Variants in MEIS2 observed in about 807,000 individuals in gnomAD.
MEIS2 encodes the protein homeobox protein Meis2.
Under a neutral mutation model 58.6 loss-of-function variants are expected in MEIS2, and 9 were observed. The observed-to-expected ratio is 0.15, with a 90% CI of 0.09 to 0.27. MEIS2 has a LOEUF of 0.27. MEIS2 is among the 10% of genes least tolerant of loss of function. MEIS2 has a pLI of 1.00. For missense variants in MEIS2, 427 were observed against 635.0 expected, an observed-to-expected ratio of 0.67 and a Z score of 3.52; for synonymous variants, 221 against 228.4, an observed-to-expected ratio of 0.97 and a Z score of 0.29.
intron 8 of MEIS2, among the ~76,000 whole-genome samples, chr15:36,988,144 T>A (rs745698993): frequency 3.3e-5 from 5 of 152,082 alleles, no homozygotes; most frequent in Admixed American, 1.3e-4. Flanking sequence ...AAAGCAAAAA[T>A]AAGAAAAGAA....
chr15:37,070,758 T>C (rs1890591687), intron 7 of MEIS2, among the ~76,000 whole-genome samples: 1 of 152,152 alleles, frequency 6.6e-6, no homozygotes, highest in Admixed American at 6.6e-5. Context: ...TTTATAAAAA[T>C]GTGCCCTTGT....
At chr15:36,932,990 C>T (rs561794879) in intron 9 of MEIS2, among the ~76,000 whole-genome samples, 2 of 152,272 alleles carry the variant, frequency 1.3e-5, no homozygotes. Flanking sequence ...TGAAATCTCT[C>T]CAGGGTAGCC....
At chr15:36,896,913 G>T in intron 9 of MEIS2, 1 of 444,314 alleles carries the variant, frequency 2.3e-6, no homozygotes, top group Non-Finnish European at 4.0e-6. Flanking sequence ...GCTCAGGGAC[G>T]GAATAAAGTT....
At chr15:37,022,400 C>A (rs1332274671) in intron 8 of MEIS2, among the ~76,000 whole-genome samples, 1 of 152,138 alleles carries the variant, frequency 6.6e-6, no homozygotes, top group Non-Finnish European at 1.5e-5. Flanking sequence ...GCACACCCAG[C>A]TAATTTATTT....
intron 7 of MEIS2, among the ~76,000 whole-genome samples, chr15:37,040,878 T>A (rs1323436887): frequency 1.3e-5 from 2 of 152,192 alleles, no homozygotes; most frequent in Non-Finnish European, 2.9e-5. Context: ...GAAAAAGGAA[T>A]TTGTAATTTC....
chr15:36,914,527 G>T (rs2057183805), intron 9 of MEIS2, among the ~76,000 whole-genome samples: 1 of 152,220 alleles, frequency 6.6e-6, no homozygotes, highest in Admixed American at 6.5e-5. Context: ...TTTGAAAAGT[G>T]CTCCCTCTGG....
Position 36,961,645 on chromosome 15 carries a change from A to T in MEIS2, c.901-11245T>A, listed in dbSNP as rs145968572. ...TTTTTTTTCCTAATTTGGACAAAAA[A>T]ATCAGAAAATATTCAGAAAAGGCTT... On this transcript the variant is annotated intron_variant, in intron 8 of 11. Transcript: ENST00000561208. Among the ~76,000 whole-genome samples, 543 of 152,262 alleles carry T rather than the reference A, an allele frequency of 3.6e-3. 2 individuals carry two copies. Among genetic ancestry groups the T allele is most frequent in the African/African-American group, 0.012 (510 of 41,568 alleles).
At chr15:36,951,784 T>A (rs1200241067) in intron 8 of MEIS2, among the ~76,000 whole-genome samples, 1 of 152,208 alleles carries the variant, frequency 6.6e-6, no homozygotes, top group Non-Finnish European at 1.5e-5. Context: ...TGACACTTTT[T>A]TGGCTAGGGC....
At chr15:36,919,325 C>A in intron 9 of MEIS2, among the ~76,000 whole-genome samples, 1 of 151,998 alleles carries the variant, frequency 6.6e-6, no homozygotes, top group East Asian at 1.9e-4. Flanking sequence ...ACACCTGTAA[C>A]CCCAGCACTT....
intron 4 of MEIS2, 62 bp downstream of exon 4, chr15:37,095,502 G>A: frequency 1.9e-6 from 3 of 1,609,448 alleles, no homozygotes; most frequent in Non-Finnish European, 2.6e-6. Flanking sequence ...AGCAGAAAGT[G>A]GGTGCTTCTG....
rs531523005 is a variant in MEIS2 at position 36,998,247 on chromosome 15, T to G, written c.900+38567A>C. 1.6e-4 allele frequency among the ~76,000 whole-genome samples: 24 copies of G among 146,130 alleles called. No individual in the cohort carries two copies. In the East Asian group the frequency reaches 4.6e-3, roughly 28 times the overall value. On this transcript the variant is annotated intron_variant, in intron 8 of 11. Coordinates refer to ENST00000561208, the MANE Select transcript of MEIS2 (RefSeq NM_170675.5). ...CGTAAAAACACAAAGTTTTTTTTTT[T>G]TTTTTTTTTTTTTTGGTCTTCCTTT...
At chr15:37,088,518 T>TA (rs1893157229) in intron 6 of MEIS2, among the ~76,000 whole-genome samples, 2 of 152,278 alleles carry the variant, frequency 1.3e-5, no homozygotes, top group South Asian at 4.2e-4. Flanking sequence ...CTACAAAAGT[T>TA]AAAAATGTTA....
Position 37,096,368 on chromosome 15 carries a change from G to A in MEIS2, c.308C>T (p.Pro103Leu), listed in dbSNP as rs1894251972. The A allele has an allele frequency of 6.2e-7, 1 of 1,613,990 alleles. No individual in the cohort carries two copies. The highest frequency in any genetic ancestry group is 8.5e-7 in the Non-Finnish European group (1 of 1,179,952). ...FEKCELATCT[P>L]REPGVAGGDV... ...TCCGCCAGCCACTCCAGGTTCCCGG[G>A]GAGTGCAGGTCGCCAGCTCGCACTT... is the stretch of plus-strand genomic sequence containing the variant. The change falls in exon 3 of 12, where the codon CCC (proline) becomes CTC (leucine). Residue 103 changes from proline to leucine, a missense_variant. Pro to Leu is a moderately conservative substitution (Grantham distance 98). Coordinates refer to ENST00000561208, the MANE Select transcript of MEIS2 (RefSeq NM_170675.5).
intron 8 of MEIS2, among the ~76,000 whole-genome samples, chr15:36,979,102 T>C (rs995247986): frequency 2.0e-5 from 3 of 152,180 alleles, no homozygotes; most frequent in Admixed American, 6.5e-5. Context: ...TTTTGAGCAC[T>C]GACATGATGC....
chr15:37,011,445 G>C (rs2061150471), intron 8 of MEIS2, among the ~76,000 whole-genome samples: 1 of 152,062 alleles, frequency 6.6e-6, no homozygotes, highest in African/African-American at 2.4e-5. Context: ...TATAGATGCA[G>C]AGTCCAAAAG....
chr15:37,076,788 C>A (rs1425037867), intron 7 of MEIS2, among the ~76,000 whole-genome samples: 1 of 151,996 alleles, frequency 6.6e-6, no homozygotes, highest in Non-Finnish European at 1.5e-5. Context: ...TTATGTTTTG[C>A]CTTAACTAAA....
intron 9 of MEIS2, among the ~76,000 whole-genome samples, chr15:36,945,670 C>T (rs1302208960): frequency 3.3e-5 from 5 of 151,906 alleles, no homozygotes; most frequent in Non-Finnish European, 2.9e-5. Flanking sequence ...AGAAGTCATA[C>T]AAAGTGGGTG....
Position 36,957,709 on chromosome 15 carries a change from C to T in MEIS2, c.901-7309G>A, listed in dbSNP as rs184932263. Among the ~76,000 whole-genome samples the T allele has an allele frequency of 5.3e-5, 8 of 152,252 alleles. No homozygotes were observed. In the East Asian group the frequency reaches 1.5e-3, roughly 29 times the overall value. ...GGGCAGAGTTAAAGAATTATTTAAC[C>T]TCAAACTTTCTACAGCACTTAGCTC... On this transcript the variant is annotated intron_variant, in intron 8 of 11. Coordinates refer to ENST00000561208, the MANE Select transcript of MEIS2 (RefSeq NM_170675.5).
chr15:37,016,443 T>G (rs528621599), intron 8 of MEIS2, among the ~76,000 whole-genome samples: 4 of 152,090 alleles, frequency 2.6e-5, no homozygotes, highest in Admixed American at 2.6e-4. Flanking sequence ...GAGATGTTAT[T>G]AAACCTGCGT....
Sources: allele counts gnomAD v4.1 joint callset (sites outside exome capture counted in the v4.1 genomes callset), GRCh38; gene constraint gnomAD v4.1.1; transcripts MANE v1.5; gene names NCBI Gene and HGNC (gene_info 2026-07-23, HGNC 2026-07-21).